The following TAF15 variants were observed in gnomAD, a reference collection of about 807,000 sequenced individuals.
TAF15 encodes the protein TATA-binding protein-associated factor 2N.
A neutral mutation model predicts 102.5 loss-of-function variants in TAF15; 37 were observed. That is an observed-to-expected ratio of 0.36 (90% confidence interval 0.28 to 0.47). The LOEUF (loss-of-function observed/expected upper bound fraction) is 0.47, where lower values mean the gene tolerates loss of function less well. Ranked by LOEUF, TAF15 falls within the 20% of genes least tolerant of loss-of-function variation. The probability of loss-of-function intolerance (pLI) is 0.99; values close to 1 mark genes in which losing one functional copy is unlikely to be tolerated. For missense variants in TAF15, 652 were observed against 760.7 expected (o/e 0.86, Z 1.68); for synonymous variants, 273 against 259.2 (o/e 1.05, Z -0.51).
chr17:35,824,226 T>C (rs905293992), intron 7 of TAF15, 28 bp downstream of exon 7: 4 of 1,605,616 alleles, frequency 2.5e-6, no homozygotes, highest in Admixed American at 1.7e-5. Flanking sequence ...GATGCGTACA[T>C]TTCTTCTTCT....
chr17:35,833,332 T>C (rs1022360258), intron 7 of TAF15, among the ~76,000 whole-genome samples: 1 of 152,288 alleles, frequency 6.6e-6, no homozygotes, highest in East Asian at 1.9e-4. Context: ...TTTTAGTCTT[T>C]TATAAGGGTT....
At chr17:35,835,527 A>G (rs1397202127) in intron 9 of TAF15, among the ~76,000 whole-genome samples, 2 of 152,244 alleles carry the variant, frequency 1.3e-5, no homozygotes, top group Non-Finnish European at 2.9e-5. Flanking sequence ...AAAGTATTCT[A>G]TGTGGATGGC....
At position 35,836,240 on chromosome 17, in the gene TAF15, A is replaced by T; in HGVS notation, c.782A>T (p.Lys261Met). Residue 261 changes from lysine to methionine, a missense_variant and splice_region_variant, in exon 10 of 16, where the codon AAG (lysine) becomes ATG (methionine). Lys to Met is a moderately conservative substitution (Grantham distance 95). Coordinates refer to ENST00000605844, the MANE Select transcript of TAF15 (RefSeq NM_139215.3). ...TTCTTTAAACAAATAGGAATTATCA[A>T]GGTGAGTAAAAATATTATATGTTGA... Reference protein sequence around the residue: ...GEFFKQIGIIKTNKKTGKPMI... With the variant: ...GEFFKQIGIIMTNKKTGKPMI... The T allele has an allele frequency of 1.3e-6, 2 of 1,576,064 alleles. No homozygotes were observed. The highest frequency in any genetic ancestry group is 1.7e-6 in the Non-Finnish European group (2 of 1,145,738).
At chr17:35,816,412 A>G (rs929561242) in intron 1 of TAF15, among the ~76,000 whole-genome samples, 1 of 152,234 alleles carries the variant, frequency 6.6e-6, no homozygotes, top group Non-Finnish European at 1.5e-5. Context: ...AGGCAGGAGA[A>G]TGACTCAAGT....
In TAF15 at chr17:35,844,684, G is replaced by T. The variant is rs1237351064; in HGVS notation, c.1385G>T (p.Gly462Val). 6.2e-7 allele frequency: 1 copy of T among 1,601,386 alleles called. No individual in the cohort carries two copies. The highest frequency in any genetic ancestry group is 1.1e-5 in the South Asian group (1 of 90,330). Residue 462 changes from glycine (G) to valine (V), a missense_variant, in exon 15 of 16, where the codon GGC becomes GTC. Gly to Val is a moderately radical substitution (Grantham distance 109). This residue lies in a region of TAF15 where 368 missense variants were observed against 367.5 expected (regional missense o/e 1.00). Transcript: ENST00000605844. ...GGGYGGDRGG[G>V]YGGDRGGGYG... ...GGCTATGGTGGGGACAGAGGCGGCGGCTATGGTGGGGACAGAGGAGGCGGC... is the reference window on the plus strand; with the variant it reads ...GGCTATGGTGGGGACAGAGGCGGCGTCTATGGTGGGGACAGAGGAGGCGGC...
chr17:35,821,263 A>G (rs975089071), intron 5 of TAF15, among the ~76,000 whole-genome samples: 1 of 152,190 alleles, frequency 6.6e-6, no homozygotes, highest in African/African-American at 2.4e-5. Flanking sequence ...AGTGTTTTGA[A>G]AAGTAGAAAG....
chr17:35,840,944 C>T (rs180709769), intron 11 of TAF15, among the ~76,000 whole-genome samples: 47 of 152,278 alleles, frequency 3.1e-4, no homozygotes, highest in African/African-American at 1.1e-3. Flanking sequence ...TGTCAGACTT[C>T]ATCACCTTGC....
rs2087580226 is a variant in TAF15 at position 35,844,108 on chromosome 17, T to G, written c.1038T>G (p.Phe346Leu). Residue 346 changes from phenylalanine (F) to leucine (L), a missense_variant, in exon 13 of 16, where the codon TTT becomes TTG. Physicochemically the swap from Phe to Leu is conservative, Grantham distance 22 (BLOSUM62 0). Transcript: ENST00000605844. ...GAGGATATAGAGGTCGTGGAGGCTT[T>G]CAAGGGAGAGGTGGAGACCCCAAAA... ...GRGGYRGRGG[F>L]QGRGGDPKSG... The G allele has an allele frequency of 1.2e-6, 2 of 1,614,122 alleles. No individual in the cohort carries two copies. The highest frequency in any genetic ancestry group is 1.7e-6 in the Non-Finnish European group (2 of 1,180,012).
chr17:35,830,452 A>G (rs930583814), intron 7 of TAF15, among the ~76,000 whole-genome samples: 1 of 139,502 alleles, frequency 7.2e-6, no homozygotes, highest in Non-Finnish European at 1.5e-5. Context: ...TTGTTGTGTC[A>G]ACATCTTGAC....
chr17:35,824,235 C>T (rs1373994526), intron 7 of TAF15, 37 bp downstream of exon 7: 2 of 1,584,822 alleles, frequency 1.3e-6, no homozygotes, highest in East Asian at 2.3e-5. Flanking sequence ...ATTTCTTCTT[C>T]TTCCTCTTTT....
chr17:35,809,677 C>T (rs1449878466), intron 1 of TAF15, 101 bp downstream of exon 1: 18 of 1,549,832 alleles, frequency 1.2e-5, no homozygotes, highest in Non-Finnish European at 1.6e-5. Flanking sequence ...AAGCCTCCGG[C>T]CCTGAGGGAG....
At position 35,838,567 on chromosome 17, in the gene TAF15, G is replaced by GTAT; in HGVS notation, c.913+15_913+17dup. Reference sequence around the variant, plus strand: ...ACTGGTTTGATGGTATGCCTCATTCGTATAGTTTTCAGCATGAAGTTGGAT... The same window carrying GTAT: ...ACTGGTTTGATGGTATGCCTCATTCGTATTATAGTTTTCAGCATGAAGTTGGAT... On this transcript the variant is annotated intron_variant, in intron 11 of 15. Transcript: ENST00000605844. 6.2e-7 allele frequency: 1 copy of GTAT among 1,613,754 alleles called. No homozygotes were observed.
chr17:35,841,696 CTTT>C (rs549802660), intron 11 of TAF15, among the ~76,000 whole-genome samples: 4 of 135,166 alleles, frequency 3.0e-5, no homozygotes. Context: ...TCACGCCCAG[CTTT>C]TTTTTTTTTT....
At chr17:35,828,665 A>G (rs2087359408) in intron 7 of TAF15, among the ~76,000 whole-genome samples, 1 of 152,090 alleles carries the variant, frequency 6.6e-6, no homozygotes, top group East Asian at 1.9e-4. Flanking sequence ...CAGGAGTTCA[A>G]GGCTGCAGTG....
At chr17:35,823,780 T>A (rs1490611019) in intron 6 of TAF15, 6 of 416,484 alleles carry the variant, frequency 1.4e-5, no homozygotes, top group South Asian at 2.6e-5. Context: ...TAGCTAAGAT[T>A]GTATTTTAAC....
At chr17:35,840,072 C>CT (rs1470820894) in intron 11 of TAF15, among the ~76,000 whole-genome samples, 1 of 152,002 alleles carries the variant, frequency 6.6e-6, no homozygotes, top group Non-Finnish European at 1.5e-5. Context: ...CATAGAGAAA[C>CT]TAAGTAATTT....
At chr17:35,845,146 TTC>T (rs2087609021) in intron 15 of TAF15, 108 bp downstream of exon 15, 3 of 1,384,276 alleles carry the variant, frequency 2.2e-6, no homozygotes, top group Non-Finnish European at 3.1e-6. Flanking sequence ...CCATTGCCAG[TTC>T]TCTCAGGATG....
At chr17:35,810,414 T>C (rs965236784) in intron 1 of TAF15, 3 of 152,326 alleles carry the variant, frequency 2.0e-5, no homozygotes, top group African/African-American at 4.8e-5. Flanking sequence ...CATTAGTCTC[T>C]TCAGGACAAC....
At position 35,827,370 on chromosome 17, in the gene TAF15, G is replaced by T. The variant is rs569163371; in HGVS notation, c.605+3172G>T. Among the ~76,000 whole-genome samples, 3 of 151,766 alleles carry T rather than the reference G, an allele frequency of 2.0e-5. No homozygotes were observed. In the East Asian group the frequency reaches 5.8e-4, roughly 29 times the overall value. On this transcript the variant is annotated intron_variant, in intron 7 of 15. Coordinates refer to ENST00000605844, the MANE Select transcript of TAF15 (RefSeq NM_139215.3). ...AAAAAAAATAGTTCTTTTGGGGGCTGTTTGAAGAATATCTGGCATTAGTTG... is the reference window on the plus strand; with the variant it reads ...AAAAAAAATAGTTCTTTTGGGGGCTTTTTGAAGAATATCTGGCATTAGTTG...
Sources: allele counts gnomAD v4.1 joint callset (sites outside exome capture counted in the v4.1 genomes callset), GRCh38; gene constraint gnomAD v4.1.1; regional missense constraint gnomAD v4.1.1; transcripts MANE v1.5; gene names NCBI Gene and HGNC (gene_info 2026-07-23, HGNC 2026-07-21).